The following PHLDB2 variants were observed in gnomAD, a reference collection of about 807,000 sequenced individuals.
PHLDB2 encodes pleckstrin homology-like domain family B member 2.
A neutral mutation model predicts 123.6 loss-of-function variants in PHLDB2; 71 were observed. The observed-to-expected ratio is 0.57, with a 90% CI of 0.47 to 0.70. PHLDB2 has a LOEUF of 0.70. PHLDB2 is among the 30% of genes least tolerant of loss of function. The pLI, the probability that PHLDB2 is intolerant of heterozygous loss-of-function variation, is 0.00. For missense variants in PHLDB2, 1,446 were observed against 1,519.5 expected, an observed-to-expected ratio of 0.95 and a Z score of 0.80; for synonymous variants, 547 against 541.6, an observed-to-expected ratio of 1.01 and a Z score of -0.14.
intron 1 of PHLDB2, among the ~76,000 whole-genome samples, chr3:111,751,602 T>TA: frequency 6.8e-6 from 1 of 146,188 alleles, no homozygotes; most frequent in South Asian, 2.1e-4. Context: ...CCATGAATCT[T>TA]AAAGTCAATT....
At chr3:111,972,694 C>T (rs1202496653) in intron 16 of PHLDB2, among the ~76,000 whole-genome samples, 1 of 152,028 alleles carries the variant, frequency 6.6e-6, no homozygotes, top group Non-Finnish European at 1.5e-5. Context: ...TCCTTAGGAG[C>T]AGATACAGAT....
chr3:111,776,688 G>A (rs1444347328), intron 1 of PHLDB2, among the ~76,000 whole-genome samples: 1 of 152,142 alleles, frequency 6.6e-6, no homozygotes, highest in Non-Finnish European at 1.5e-5. Context: ...GTGCCAAGGA[G>A]TTACAGTTCC....
At chr3:111,925,010 A>T (rs1282964) in intron 5 of PHLDB2, among the ~76,000 whole-genome samples, 1 of 151,780 alleles carries the variant, frequency 6.6e-6, no homozygotes, top group Non-Finnish European at 1.5e-5. Context: ...TACATTTTTA[A>T]TAGAGACGGA....
chr3:111,876,122 T>G (rs189010064), intron 1 of PHLDB2, among the ~76,000 whole-genome samples: 13 of 152,286 alleles, frequency 8.5e-5, no homozygotes, highest in African/African-American at 2.2e-4. Flanking sequence ...GATACTGGCT[T>G]GTACTAGAGA....
chr3:111,974,948 CATT>C lies in PHLDB2; in HGVS notation c.*389_*391del, dbSNP rs1271009003. 1 of 154,604 alleles carries C rather than the reference CATT, an allele frequency of 6.5e-6. No homozygotes were observed. Among genetic ancestry groups the C allele is most frequent in the African/African-American group, 2.4e-5 (1 of 41,536 alleles). 9.6% of individuals were successfully genotyped at this position (154,604 alleles called of 1,614,324 possible). On this transcript the variant is annotated 3_prime_UTR_variant, in exon 18 of 18. Coordinates refer to ENST00000431670, the MANE Select transcript of PHLDB2 (RefSeq NM_001134438.2). ...TTATCACCCAAATCACTGGCATTGA[CATT>C]ATTGGTAATCAACTGGCTTTTTTTA...
intron 2 of PHLDB2, among the ~76,000 whole-genome samples, chr3:111,887,017 G>A (rs1326289343): frequency 1.3e-5 from 2 of 152,116 alleles, no homozygotes; most frequent in African/African-American, 4.8e-5. Context: ...ATTTTTAATG[G>A]CTTCCATTAC....
At chr3:111,835,526 A>T (rs772475376) in intron 1 of PHLDB2, among the ~76,000 whole-genome samples, 2 of 152,182 alleles carry the variant, frequency 1.3e-5, no homozygotes, top group Non-Finnish European at 2.9e-5. Context: ...AAATAATGGT[A>T]GGCACCTGTT....
intron 2 of PHLDB2, among the ~76,000 whole-genome samples, chr3:111,912,499 CTCTT>C (rs2067946272): frequency 6.6e-6 from 1 of 151,954 alleles, no homozygotes. Flanking sequence ...AACATTCTAT[CTCTT>C]TTATAATTTT....
intron 11 of PHLDB2, 26 bp downstream of exon 11, chr3:111,952,738 T>C: frequency 6.2e-7 from 1 of 1,601,726 alleles, no homozygotes; most frequent in Non-Finnish European, 8.5e-7. Context: ...AACCACGGGC[T>C]TCCCATTCCA....
At chr3:111,784,780 A>T (rs1238642780) in intron 1 of PHLDB2, among the ~76,000 whole-genome samples, 1 of 152,188 alleles carries the variant, frequency 6.6e-6, no homozygotes, top group Non-Finnish European at 1.5e-5. Context: ...ACTTCATTAT[A>T]TTGTGAAGTA....
chr3:111,950,261 A>C (rs1052624918), intron 10 of PHLDB2, among the ~76,000 whole-genome samples: 10 of 152,220 alleles, frequency 6.6e-5, no homozygotes, highest in African/African-American at 1.4e-4. Context: ...TTTTTATTAT[A>C]CATAGTTGAA....
chr3:111,876,618 C>T (rs997252191), intron 1 of PHLDB2, among the ~76,000 whole-genome samples: 105 of 152,056 alleles, frequency 6.9e-4, no homozygotes, highest in Non-Finnish European at 1.2e-4. Flanking sequence ...ATGTGCAGAA[C>T]GTGCAGGTTT....
chr3:111,772,509 C>T (rs2060195587), intron 1 of PHLDB2, among the ~76,000 whole-genome samples: 1 of 151,996 alleles, frequency 6.6e-6, no homozygotes. Context: ...AGCTGGAGGG[C>T]TTTTTAAAGC....
chr3:111,917,088 A>T (rs1228093466), intron 3 of PHLDB2: 1 of 152,322 alleles, frequency 6.6e-6, no homozygotes, highest in East Asian at 1.9e-4. Flanking sequence ...ATGAGATTAC[A>T]TTGTCCTCAC....
chr3:111,834,199 A>AATTATATAT (rs1340043247), intron 1 of PHLDB2, among the ~76,000 whole-genome samples: 4,625 of 29,048 alleles, frequency 0.16, 1,400 homozygotes, highest in Non-Finnish European at 0.21. Flanking sequence ...TATGTAATAG[A>AATTATATAT]ATTATATATG....
chr3:111,961,031 G>T (rs1252759903), intron 12 of PHLDB2, among the ~76,000 whole-genome samples: 2 of 152,150 alleles, frequency 1.3e-5, no homozygotes, highest in Non-Finnish European at 2.9e-5. Context: ...CCGAGCACCA[G>T]GGTAAAGAAA....
intron 1 of PHLDB2, among the ~76,000 whole-genome samples, chr3:111,809,030 A>G (rs1367434573): frequency 6.6e-6 from 1 of 152,232 alleles, no homozygotes; most frequent in African/African-American, 2.4e-5. Context: ...CAATGGCTTA[A>G]TCTATACTTT....
At chr3:111,770,912 T>C (rs2060165512) in intron 1 of PHLDB2, among the ~76,000 whole-genome samples, 1 of 151,836 alleles carries the variant, frequency 6.6e-6, no homozygotes, top group Non-Finnish European at 1.5e-5. Flanking sequence ...CAGTGATTGG[T>C]ACGAAGCCAG....
chr3:111,741,555 G>GTGTGTGTT (rs1407901785), intron 1 of PHLDB2, among the ~76,000 whole-genome samples: 2 of 152,026 alleles, frequency 1.3e-5, no homozygotes, highest in Non-Finnish European at 2.9e-5. Flanking sequence ...GTGTGTGTGT[G>GTGTGTGTT]TCTGTGTGTG....
Sources: gnomAD v4.1 joint callset for allele counts (sites outside exome capture counted in the v4.1 genomes callset) on GRCh38, gnomAD v4.1.1 for gene constraint, MANE v1.5 for transcripts, NCBI Gene and HGNC (gene_info 2026-07-23, HGNC 2026-07-21) for gene names.